Variants in DPF3 observed in about 807,000 individuals in gnomAD.
The protein encoded by DPF3 is zinc finger protein DPF3.
Under a neutral mutation model 56.8 loss-of-function variants are expected in DPF3, and 18 were observed. That is an observed-to-expected ratio of 0.32 (90% confidence interval 0.22 to 0.47). The LOEUF is 0.47. Among genes scored for constraint, DPF3 ranks in the 20% least tolerant of loss-of-function variants. The pLI, the probability that DPF3 is intolerant of heterozygous loss-of-function variation, is 1.00. For synonymous variants in DPF3, 188 were observed against 180.2 expected, an observed-to-expected ratio of 1.04 and a Z score of -0.35; for missense variants, 403 against 488.8, an observed-to-expected ratio of 0.82 and a Z score of 1.65.
intron 4 of DPF3, chr14:72,731,581 C>T: frequency 1.8e-6 from 1 of 550,518 alleles, no homozygotes; most frequent in Non-Finnish European, 3.2e-6. Flanking sequence ...CATAGACAGA[C>T]AGAAGAGAGG....
At chr14:72,641,465 C>T (rs931501388) in intron 8 of DPF3, among the ~76,000 whole-genome samples, 4 of 152,202 alleles carry the variant, frequency 2.6e-5, no homozygotes, top group African/African-American at 9.7e-5. Context: ...CACTGGAAGC[C>T]GTGCCTTTCT....
rs1305306467 is a variant in DPF3, at chr14:72,629,664, T to A, written c.944A>T (p.Glu315Val). Residue 315 changes from glutamate (E) to valine (V), a missense_variant, in exon 9 of 11, where the codon GAG becomes GTG. Physicochemically the swap from Glu to Val is moderately radical, Grantham distance 121. This residue lies in a region of DPF3 where 63 missense variants were observed against 114.4 expected (regional missense o/e 0.55). Coordinates refer to ENST00000556509, the MANE Select transcript of DPF3 (RefSeq NM_001280542.3). ...AVKTYKWQCI[E>V]CKSCILCGTS... Reference sequence around the variant, plus strand: ...CCCACAGAGGATACAGGATTTGCACTCTATGCACTGCCACTTGTAGGTCTT... The same window carrying A: ...CCCACAGAGGATACAGGATTTGCACACTATGCACTGCCACTTGTAGGTCTT... 1 of 1,536,090 alleles carries A rather than the reference T, an allele frequency of 6.5e-7. No individual in the cohort carries two copies. The highest frequency in any genetic ancestry group is 8.7e-7 in the Non-Finnish European group (1 of 1,146,880).
At chr14:72,838,779 G>A (rs1884412503) in intron 1 of DPF3, among the ~76,000 whole-genome samples, 3 of 150,186 alleles carry the variant, frequency 2.0e-5, no homozygotes, top group Admixed American at 2.0e-4. Flanking sequence ...GGCAATTACT[G>A]TTGGCATCAG....
At chr14:72,666,204 C>A (rs1013593556) in intron 8 of DPF3, among the ~76,000 whole-genome samples, 1 of 152,180 alleles carries the variant, frequency 6.6e-6, no homozygotes, top group Admixed American at 6.5e-5. Context: ...CCATTACTCC[C>A]GCTACCACTG....
intron 7 of DPF3, among the ~76,000 whole-genome samples, chr14:72,685,398 A>G (rs190770324): frequency 1.1e-3 from 162 of 152,352 alleles, no homozygotes; most frequent in Non-Finnish European, 1.9e-3. Context: ...GAATAATAAC[A>G]TGTCCCTAAT....
Position 72,622,525 on chromosome 14 carries a change from A to G in DPF3, c.985-2541T>C, listed in dbSNP as rs150819798. Among the ~76,000 whole-genome samples, 1,028 of 152,276 alleles carry G rather than the reference A, an allele frequency of 6.8e-3. 12 individuals are homozygous for G. The highest frequency in any genetic ancestry group is 0.024 in the African/African-American group (978 of 41,550). On this transcript the variant is annotated intron_variant, in intron 9 of 10. Transcript: ENST00000556509. The stretch of plus-strand genomic sequence containing the variant: ...TGCCTTAAAAACAGTAATAACCCCT[A>G]CTACAGCAGTGACATGGGAAATACA...
intron 8 of DPF3, among the ~76,000 whole-genome samples, chr14:72,665,814 A>G (rs1234766413): frequency 1.3e-5 from 2 of 152,212 alleles, no homozygotes; most frequent in Non-Finnish European, 2.9e-5. Context: ...TGATCATTGT[A>G]CTGTGGTTAT....
intron 1 of DPF3, among the ~76,000 whole-genome samples, chr14:72,854,876 A>G (rs565742024): frequency 1.3e-5 from 2 of 152,318 alleles, no homozygotes; most frequent in East Asian, 3.9e-4. Context: ...AATTTGCGAC[A>G]AACCAGAATG....
At chr14:72,681,808 T>G (rs1437650206) in intron 7 of DPF3, among the ~76,000 whole-genome samples, 1 of 152,236 alleles carries the variant, frequency 6.6e-6, no homozygotes, top group Non-Finnish European at 1.5e-5. Context: ...TCACCAGCTC[T>G]GGGGCTAGAT....
chr14:72,737,206 C>CAA lies in DPF3; in HGVS notation c.302-5274_302-5273dup, dbSNP rs201407776. The stretch of plus-strand genomic sequence containing the variant: ...AAATAAAAGCAAAAAAACAAACAAA[C>CAA]AAACAAAAAAAACCACACACACACA... On this transcript the variant is annotated intron_variant, in intron 3 of 10. Transcript: ENST00000556509. Among the ~76,000 whole-genome samples, 47 of 145,180 alleles carry CAA rather than the reference C, an allele frequency of 3.2e-4. 1 individual carries two copies. The South Asian group carries it at 7.6e-3, about 23-fold the overall frequency.
At position 72,758,647 on chromosome 14, in the gene DPF3, G is replaced by A. The variant is rs113043051; in HGVS notation, c.194-5276C>T. On this transcript the variant is annotated intron_variant, in intron 2 of 10. Coordinates refer to ENST00000556509, the MANE Select transcript of DPF3 (RefSeq NM_001280542.3). Reference sequence around the variant, plus strand: ...CAGCGCTCGGTGTGCACAAGGGGGCGGAAATAGTCTGTTTCCACCAGCCAA... The same window carrying A: ...CAGCGCTCGGTGTGCACAAGGGGGCAGAAATAGTCTGTTTCCACCAGCCAA... Among the ~76,000 whole-genome samples, 301 of 152,262 alleles carry A rather than the reference G, an allele frequency of 2.0e-3. 2 individuals are homozygous for A. The highest frequency in any genetic ancestry group is 6.9e-3 in the African/African-American group (288 of 41,544).
chr14:72,690,828 C>A (rs1442106922), intron 7 of DPF3, among the ~76,000 whole-genome samples: 2 of 152,120 alleles, frequency 1.3e-5, no homozygotes, highest in Non-Finnish European at 2.9e-5. Context: ...GGTTACCAAG[C>A]TAATAAACAC....
At chr14:72,710,723 A>G (rs1352719452) in intron 6 of DPF3, among the ~76,000 whole-genome samples, 1 of 152,228 alleles carries the variant, frequency 6.6e-6, no homozygotes, top group African/African-American at 2.4e-5. Context: ...CTTTTCCACA[A>G]TGTCCTATTC....
At position 72,653,653 on chromosome 14, in the gene DPF3, C is replaced by T. The variant is rs118064135; in HGVS notation, c.871+20587G>A. Among the ~76,000 whole-genome samples the T allele has an allele frequency of 6.9e-4, 105 of 152,320 alleles. 1 individual carries two copies. The East Asian group carries it at 0.019, about 28-fold the overall frequency. ...TCAAATAAACCCTTTTCCAACTTGT[C>T]TAGGAGAACAATCATAGATTTTGAT... On this transcript the variant is annotated intron_variant, in intron 8 of 10. Coordinates refer to ENST00000556509, the MANE Select transcript of DPF3 (RefSeq NM_001280542.3).
chr14:72,614,312 G>T lies in DPF3; in HGVS notation c.*4985C>A, dbSNP rs920688809. 6.6e-6 allele frequency among the ~76,000 whole-genome samples: 1 copy of T among 152,208 alleles called. No homozygotes were observed. The highest frequency in any genetic ancestry group is 1.5e-5 in the Non-Finnish European group (1 of 68,044). ...AGGCCTGAGGCAAATTAAAACAGCTGTTCCCCACCATCACCATCCTTCCCC... is the reference window on the plus strand; with the variant it reads ...AGGCCTGAGGCAAATTAAAACAGCTTTTCCCCACCATCACCATCCTTCCCC... On this transcript the variant is annotated 3_prime_UTR_variant, in exon 11 of 11. Coordinates refer to ENST00000556509, the MANE Select transcript of DPF3 (RefSeq NM_001280542.3).
intron 5 of DPF3, among the ~76,000 whole-genome samples, chr14:72,715,550 C>A (rs988954317): frequency 3.9e-5 from 6 of 152,024 alleles, no homozygotes; most frequent in African/African-American, 4.8e-5. Context: ...GGAAATGGGG[C>A]AGCCCCTGGG....
At chr14:72,889,370 G>A (rs1886664690) in intron 1 of DPF3, among the ~76,000 whole-genome samples, 1 of 152,170 alleles carries the variant, frequency 6.6e-6, no homozygotes, top group Admixed American at 6.5e-5. Context: ...AGAATTTAGG[G>A]CTTTTTTATA....
chr14:72,886,896 G>T (rs1886568515), intron 1 of DPF3, among the ~76,000 whole-genome samples: 1 of 152,120 alleles, frequency 6.6e-6, no homozygotes, highest in Non-Finnish European at 1.5e-5. Flanking sequence ...CCACACAACT[G>T]CTGGGCACCT....
At chr14:72,797,789 G>A (rs377756299) in intron 1 of DPF3, among the ~76,000 whole-genome samples, 2 of 152,266 alleles carry the variant, frequency 1.3e-5, no homozygotes, top group Non-Finnish European at 2.9e-5. Context: ...TTAGAGATCC[G>A]AGTTCTAGAC....
Sources: allele counts gnomAD v4.1 joint callset (sites outside exome capture counted in the v4.1 genomes callset), GRCh38; gene constraint gnomAD v4.1.1; regional missense constraint gnomAD v4.1.1; transcripts MANE v1.5; gene names NCBI Gene and HGNC (gene_info 2026-07-23, HGNC 2026-07-21).